The following NPAS3 variants were observed in gnomAD, a reference collection of about 807,000 sequenced individuals.
NPAS3 encodes neuronal PAS domain-containing protein 3.
Under a neutral mutation model 73.1 loss-of-function variants are expected in NPAS3, and 14 were observed. That is an observed-to-expected ratio of 0.19 (90% CI 0.13 to 0.30). The LOEUF (loss-of-function observed/expected upper bound fraction) is 0.30, where lower values mean the gene tolerates loss of function less well. Ranked by LOEUF, NPAS3 falls within the 10% of genes least tolerant of loss-of-function variation. NPAS3 has a pLI of 1.00. For synonymous variants in NPAS3, 620 were observed against 541.5 expected (o/e 1.14, Z -2.01); for missense variants, 1,096 against 1,250.0 (o/e 0.88, Z 1.86).
At chr14:33,442,497 C>T (rs1247224103) in intron 4 of NPAS3, among the ~76,000 whole-genome samples, 1 of 152,024 alleles carries the variant, frequency 6.6e-6, no homozygotes, top group Non-Finnish European at 1.5e-5. Context: ...AATTGTAGTT[C>T]CCATAATCCG....
chr14:33,637,719 T>G (rs1203175283), intron 5 of NPAS3, among the ~76,000 whole-genome samples: 1 of 152,208 alleles, frequency 6.6e-6, no homozygotes, highest in Non-Finnish European at 1.5e-5. Flanking sequence ...TTTGTACTCA[T>G]GAACAGCTAC....
intron 3 of NPAS3, among the ~76,000 whole-genome samples, chr14:33,263,005 G>C (rs1228865928): frequency 6.6e-6 from 1 of 152,100 alleles, no homozygotes; most frequent in Non-Finnish European, 1.5e-5. Flanking sequence ...GTCCTTTGTA[G>C]ATTCTGGATA....
rs1469474266 is a variant in NPAS3 at position 33,312,494 on chromosome 14, A to G, written c.386-54692A>G. On this transcript the variant is annotated intron_variant, in intron 3 of 11. Coordinates refer to ENST00000356141, the Ensembl canonical transcript of NPAS3. Reference sequence around the variant, plus strand: ...TAATATATTTTATTTTTTTGAAATCACTATGTTCCAATTACCATTTGAATT... The same window carrying G: ...TAATATATTTTATTTTTTTGAAATCGCTATGTTCCAATTACCATTTGAATT... Among the ~76,000 whole-genome samples the G allele has an allele frequency of 5.3e-5, 8 of 152,034 alleles. 1 individual carries two copies. The highest frequency in any genetic ancestry group is 1.9e-4 in the African/African-American group (8 of 41,418).
chr14:33,624,772 C>A (rs142085091), intron 5 of NPAS3, among the ~76,000 whole-genome samples: 1 of 152,224 alleles, frequency 6.6e-6, no homozygotes, highest in East Asian at 1.9e-4. Flanking sequence ...GCAGCAAAGG[C>A]CTCATCAGAT....
intron 3 of NPAS3, among the ~76,000 whole-genome samples, chr14:33,249,356 T>C (rs1263946341): frequency 1.3e-5 from 2 of 151,990 alleles, no homozygotes; most frequent in African/African-American, 4.8e-5. Context: ...CCACCTTTTT[T>C]TTTTTTTCTT....
chr14:33,640,315 A>G (rs971455576), intron 5 of NPAS3, among the ~76,000 whole-genome samples: 1 of 152,208 alleles, frequency 6.6e-6, no homozygotes, highest in African/African-American at 2.4e-5. Flanking sequence ...AGATTTAGTA[A>G]AACACATTGT....
chr14:33,317,995 G>A (rs2043278427), intron 3 of NPAS3, among the ~76,000 whole-genome samples: 1 of 152,092 alleles, frequency 6.6e-6, no homozygotes, highest in African/African-American at 2.4e-5. Context: ...TTCTGGGAAT[G>A]TAGCCAAAAG....
intron 1 of NPAS3, among the ~76,000 whole-genome samples, chr14:32,966,634 G>A (rs1440706092): frequency 7.4e-6 from 1 of 135,266 alleles, no homozygotes; most frequent in Non-Finnish European, 1.6e-5. Flanking sequence ...GCCGGGCGCG[G>A]TGGCGGGCGC....
chr14:33,064,272 A>G (rs897395955), intron 2 of NPAS3, among the ~76,000 whole-genome samples: 2 of 152,230 alleles, frequency 1.3e-5, no homozygotes, highest in Non-Finnish European at 2.9e-5. Context: ...TATCTTTACA[A>G]TAAGAAAAAT....
chr14:33,565,954 C>T (rs2055908971), intron 5 of NPAS3, among the ~76,000 whole-genome samples: 1 of 151,886 alleles, frequency 6.6e-6, no homozygotes, highest in South Asian at 2.1e-4. Context: ...CCCTGCCACC[C>T]CAACCAGCAA....
At chr14:33,747,582 A>G (rs1595544901) in intron 7 of NPAS3, among the ~76,000 whole-genome samples, 1 of 152,212 alleles carries the variant, frequency 6.6e-6, no homozygotes, top group African/African-American at 2.4e-5. Flanking sequence ...CAAATTCTCA[A>G]TCATCTGTAG....
intron 1 of NPAS3, among the ~76,000 whole-genome samples, chr14:32,972,812 T>C (rs1425318432): frequency 1.3e-5 from 2 of 152,194 alleles, no homozygotes; most frequent in Non-Finnish European, 2.9e-5. Flanking sequence ...ATAGAAGTGA[T>C]AGAAGGATTG....
At chr14:33,402,953 G>C (rs143131934) in intron 4 of NPAS3, among the ~76,000 whole-genome samples, 1 of 152,150 alleles carries the variant, frequency 6.6e-6, no homozygotes. Flanking sequence ...TCAGTATGTG[G>C]AATAATGCTG....
intron 3 of NPAS3, among the ~76,000 whole-genome samples, chr14:33,336,881 C>T (rs542453139): frequency 2.8e-4 from 43 of 151,972 alleles, no homozygotes; most frequent in Middle Eastern, 6.8e-3. Context: ...CTTATATCTT[C>T]TTTGGAGAAA....
chr14:33,553,543 C>T (rs1225108438), intron 4 of NPAS3, among the ~76,000 whole-genome samples: 2 of 152,088 alleles, frequency 1.3e-5, no homozygotes, highest in Admixed American at 6.5e-5. Flanking sequence ...TTTAACTAAT[C>T]CAATTTGGTG....
At chr14:33,707,913 G>A (rs1026609803) in intron 6 of NPAS3, among the ~76,000 whole-genome samples, 2 of 152,178 alleles carry the variant, frequency 1.3e-5, no homozygotes, top group Non-Finnish European at 2.9e-5. Context: ...TGAACCGGGG[G>A]GTGGTGAGGG....
At chr14:33,115,676 T>C (rs573131196) in intron 2 of NPAS3, among the ~76,000 whole-genome samples, 1 of 152,288 alleles carries the variant, frequency 6.6e-6, no homozygotes, top group Non-Finnish European at 1.5e-5. Context: ...ACTTCAAAAA[T>C]TGTTCATTGT....
rs577327963 is a variant in NPAS3 at position 32,967,770 on chromosome 14, G to GT, written c.50+28405dup. ...GTACAGCCATTATGGACAACAGCAT[G>GT]TGGGGGGGGGTCCTAAAAAATAAAA... is the stretch of plus-strand genomic sequence containing the variant. On this transcript the variant is annotated intron_variant, in intron 1 of 11. Transcript: ENST00000356141. Among the ~76,000 whole-genome samples the GT allele has an allele frequency of 1.6e-4, 19 of 115,916 alleles. No homozygotes were observed. The East Asian group carries it at 2.0e-3, about 12-fold the overall frequency. 76.0% of individuals were successfully genotyped at this position (115,916 alleles called of 152,430 possible). A position where few individuals can be genotyped will look rare whatever the true frequency, so the allele number is the denominator to read the frequency against.
At chr14:33,435,759 A>G (rs1021199382) in intron 4 of NPAS3, among the ~76,000 whole-genome samples, 7 of 152,094 alleles carry the variant, frequency 4.6e-5, no homozygotes. Context: ...CTGCCCCCCT[A>G]TGTCCTGTCC....
Sources: allele counts gnomAD v4.1 joint callset (sites outside exome capture counted in the v4.1 genomes callset), GRCh38; gene constraint gnomAD v4.1.1; transcripts MANE v1.5; gene names NCBI Gene and HGNC (gene_info 2026-07-23, HGNC 2026-07-21).